CLPSL2: variants seen among roughly 807,000 people sequenced by gnomAD.
The protein encoded by CLPSL2 is colipase like 2.
CLPSL2 carries 4 observed loss-of-function variants against 7.9 expected under a neutral mutation model. The ratio of observed to expected loss-of-function variants is 0.50; its 90% CI spans 0.25 to 1.15. The LOEUF (loss-of-function observed/expected upper bound fraction) is 1.15. CLPSL2 is among the 50% of genes most tolerant of loss of function. The pLI is 0.15. For missense variants in CLPSL2, 132 were observed against 136.6 expected, an observed-to-expected ratio of 0.97 and a Z score of 0.17; for synonymous variants, 67 against 53.1, an observed-to-expected ratio of 1.26 and a Z score of -1.14.
Position 35,779,357 on chromosome 6 carries a change from CA to C in CLPSL2, c.212del (p.Lys71ArgfsTer14). The part of the protein sequence containing the change: ...RITMICLPQT[K>X]GATNIICPCR... Reference sequence around the variant, plus strand: ...ATTCTCATACCCACTCCCTGCAGACCAAGGGAGCTACCAACATCATCTGCCC... The same window carrying C: ...ATTCTCATACCCACTCCCTGCAGACCAGGGAGCTACCAACATCATCTGCCC... On this transcript the variant is annotated frameshift_variant, in exon 3 of 3. Transcript: ENST00000403376. LOFTEE classifies it low-confidence loss of function (END_TRUNC). 1 of 1,564,160 alleles carries C rather than the reference CA, an allele frequency of 6.4e-7. No homozygotes were observed.
Position 35,776,641 on chromosome 6 carries a change from T to G in CLPSL2, c.23T>G (p.Val8Gly). Residue 8 changes from valine to glycine, a missense_variant, in exon 1 of 3, where the codon GTG becomes GGG. Transcript: ENST00000403376. MAAALALVAGVLSGAVLP... is the reference protein window; with the variant it reads MAAALALGAGVLSGAVLP... ...CCCATGGCCGCAGCCCTGGCGCTCG[T>G]GGCGGGGGTCCTGTCGGGGGCGGTG... 2 of 1,497,288 alleles carry G rather than the reference T, an allele frequency of 1.3e-6. No homozygotes were observed. The highest frequency in any genetic ancestry group is 1.8e-6 in the Non-Finnish European group (2 of 1,130,778). 92.8% of individuals were successfully genotyped at this position (1,497,288 alleles called of 1,614,324 possible).
chr6:35,779,236 G>C, intron 2 of CLPSL2, 119 bp from the exon 3 acceptor site: 1 of 732,308 alleles, frequency 1.4e-6, no homozygotes, highest in East Asian at 2.7e-5. Context: ...AAGCTGTAGA[G>C]ACAGCCCAGG....
At position 35,776,703 on chromosome 6, in the gene CLPSL2, G is replaced by A; in HGVS notation, c.84+1G>A. The A allele has an allele frequency of 1.4e-6, 2 of 1,416,362 alleles. No individual in the cohort carries two copies. The highest frequency in any genetic ancestry group is 9.2e-7 in the Non-Finnish European group (1 of 1,090,856). The allele number at this position is 1,416,362 out of a possible 1,614,324, so 87.7% of individuals were successfully genotyped here. A position where few individuals can be genotyped will look rare whatever the true frequency, so the allele number is the denominator to read the frequency against. The stretch of plus-strand genomic sequence containing the variant: ...GAGCGCGCTTCCGCAATATAAAAAG[G>A]TGAGCCGGGGAGCGCGCCCAGCCGG... On this transcript the variant is annotated splice_donor_variant, in intron 1 of 2. Transcript: ENST00000403376. LOFTEE classifies it high-confidence loss of function.
At position 35,779,370 on chromosome 6, in the gene CLPSL2, A is replaced by G; in HGVS notation, c.223A>G (p.Asn75Asp). The G allele has an allele frequency of 1.3e-6, 2 of 1,575,420 alleles. No individual in the cohort carries two copies. The highest frequency in any genetic ancestry group is 1.7e-6 in the Non-Finnish European group (2 of 1,157,852). ...ICLPQTKGATNIICPCRMGLT... is the reference protein window; with the variant it reads ...ICLPQTKGATDIICPCRMGLT... ...CTCCCTGCAGACCAAGGGAGCTACCAACATCATCTGCCCTTGCCGGATGGG... is the reference window on the plus strand; with the variant it reads ...CTCCCTGCAGACCAAGGGAGCTACCGACATCATCTGCCCTTGCCGGATGGG... Residue 75 changes from asparagine to aspartate, a missense_variant, in exon 3 of 3, where the codon AAC (asparagine) becomes GAC (aspartate). Physicochemically the swap from Asn to Asp is conservative, Grantham distance 23. Coordinates refer to ENST00000403376, the MANE Select transcript of CLPSL2 (RefSeq NM_207409.4).
In CLPSL2 at chr6:35,776,721, C is replaced by G; in HGVS notation, c.84+19C>G. 1 of 1,369,206 alleles carries G rather than the reference C, an allele frequency of 7.3e-7. No homozygotes were observed. Among genetic ancestry groups the G allele is most frequent in the Non-Finnish European group, 9.4e-7 (1 of 1,065,616 alleles). 84.8% of individuals were successfully genotyped at this position (1,369,206 alleles called of 1,614,324 possible). A position where few individuals can be genotyped will look rare whatever the true frequency, so the allele number is the denominator to read the frequency against. ...TAAAAAGGTGAGCCGGGGAGCGCGC[C>G]CAGCCGGCCGCGACCGCAGGAGAGG... On this transcript the variant is annotated intron_variant, in intron 1 of 2. Coordinates refer to ENST00000403376, the MANE Select transcript of CLPSL2 (RefSeq NM_207409.4).
At chr6:35,777,313 G>A in intron 1 of CLPSL2, 146 bp from the exon 2 acceptor site, 1 of 827,970 alleles carries the variant, frequency 1.2e-6, no homozygotes, top group Non-Finnish European at 1.9e-6. Flanking sequence ...TGGGGCTGGG[G>A]GGGGAACCAG....
chr6:35,779,351 G>T lies in CLPSL2; in HGVS notation c.208-4G>T. On this transcript the variant is annotated splice_polypyrimidine_tract_variant and splice_region_variant and intron_variant, in intron 2 of 2. Transcript: ENST00000403376. Reference sequence around the variant, plus strand: ...CTCCCGATTCTCATACCCACTCCCTGCAGACCAAGGGAGCTACCAACATCA... The same window carrying T: ...CTCCCGATTCTCATACCCACTCCCTTCAGACCAAGGGAGCTACCAACATCA... 1 of 1,553,798 alleles carries T rather than the reference G, an allele frequency of 6.4e-7. No individual in the cohort carries two copies. The highest frequency in any genetic ancestry group is 1.2e-5 in the South Asian group (1 of 84,578).
At chr6:35,778,750 C>A (rs781187070) in intron 2 of CLPSL2, among the ~76,000 whole-genome samples, 1 of 152,308 alleles carries the variant, frequency 6.6e-6, no homozygotes. Flanking sequence ...CAGCAGGGCC[C>A]CTACCATGGC....
chr6:35,777,806 C>A, intron 2 of CLPSL2: 1 of 717,898 alleles, frequency 1.4e-6, no homozygotes, highest in South Asian at 1.5e-5. Flanking sequence ...CTCAGCAGAC[C>A]ATGTATCTCC....
Position 35,779,506 on chromosome 6 carries a change from A to C in CLPSL2, c.*56A>C, listed in dbSNP as rs754988197. 7 of 1,551,810 alleles carry C rather than the reference A, an allele frequency of 4.5e-6. No homozygotes were observed. Among genetic ancestry groups the C allele is most frequent in the Non-Finnish European group, 6.1e-6 (7 of 1,146,894 alleles). ...GGGGCCATAGGCCCTGGTTGCCACCAACTTGCTCCAAATCCAGCTCCTGAG... is the reference window on the plus strand; with the variant it reads ...GGGGCCATAGGCCCTGGTTGCCACCCACTTGCTCCAAATCCAGCTCCTGAG... On this transcript the variant is annotated 3_prime_UTR_variant, in exon 3 of 3. Transcript: ENST00000403376.
In CLPSL2 at chr6:35,777,489, G is replaced by A; in HGVS notation, c.115G>A (p.Glu39Lys). ...KITDRCFHHS[E>K]CYSGCCLMDL... ...CACAGACAGGTGCTTCCACCACTCT[G>A]AGTGCTACAGTGGCTGCTGCCTCAT... is the stretch of plus-strand genomic sequence containing the variant. Residue 39 changes from glutamate (E) to lysine (K), a missense_variant, in exon 2 of 3, where the codon GAG (glutamate) becomes AAG (lysine). Coordinates refer to ENST00000403376, the MANE Select transcript of CLPSL2 (RefSeq NM_207409.4). 6.2e-7 allele frequency: 1 copy of A among 1,613,782 alleles called. No individual in the cohort carries two copies. The highest frequency in any genetic ancestry group is 8.5e-7 in the Non-Finnish European group (1 of 1,179,794).
intron 2 of CLPSL2, 101 bp from the exon 3 acceptor site, chr6:35,779,254 T>C (rs1767911801): frequency 1.1e-6 from 1 of 922,482 alleles, no homozygotes; most frequent in Admixed American, 2.4e-5. Flanking sequence ...AGGTCTGTCT[T>C]ACTCCAGGCC....
intron 2 of CLPSL2, among the ~76,000 whole-genome samples, chr6:35,779,115 T>C (rs1234293901): frequency 1.3e-5 from 2 of 152,122 alleles, no homozygotes; most frequent in Admixed American, 6.5e-5. Context: ...CTCTATCTCA[T>C]TTAGTCCTCA....
At chr6:35,777,314 G>GC (rs1452774979) in intron 1 of CLPSL2, 145 bp from the exon 2 acceptor site, 5 of 835,804 alleles carry the variant, frequency 6.0e-6, no homozygotes, top group African/African-American at 5.1e-5. Context: ...GGGGCTGGGG[G>GC]GGGAACCAGC....
intron 1 of CLPSL2, 180 bp downstream of exon 1, chr6:35,776,882 G>A: frequency 2.0e-6 from 1 of 501,770 alleles, no homozygotes; most frequent in Non-Finnish European, 3.4e-6. Flanking sequence ...ACTTTCCCCT[G>A]GTGGCCTCAG....
intron 1 of CLPSL2, 147 bp from the exon 2 acceptor site, chr6:35,777,312 G>C (rs1046377482): frequency 2.2e-5 from 18 of 817,850 alleles, no homozygotes; most frequent in Middle Eastern, 3.7e-4. Flanking sequence ...GTGGGGCTGG[G>C]GGGGGAACCA....
chr6:35,777,310 G>GC (rs1052895761), intron 1 of CLPSL2, 149 bp from the exon 2 acceptor site: 14 of 687,362 alleles, frequency 2.0e-5, no homozygotes, highest in East Asian at 1.2e-4. Context: ...GGGTGGGGCT[G>GC]GGGGGGGAAC....
chr6:35,779,460 C>T lies in CLPSL2; in HGVS notation c.*10C>T. 2 of 1,567,908 alleles carry T rather than the reference C, an allele frequency of 1.3e-6. No individual in the cohort carries two copies. Among genetic ancestry groups the T allele is most frequent in the East Asian group, 2.4e-5 (1 of 42,314 alleles). On this transcript the variant is annotated 3_prime_UTR_variant, in exon 3 of 3. Transcript: ENST00000403376. ...GTGCCATATGATTTAGAGGAAGATG[C>T]AGGCTGGTCACTGCTCCCTTGGGGC...
chr6:35,779,048 AG>A (rs927995367), intron 2 of CLPSL2, among the ~76,000 whole-genome samples: 1 of 152,156 alleles, frequency 6.6e-6, no homozygotes, highest in African/African-American at 2.4e-5. Context: ...CTGGGATTAC[AG>A]GGGTGAGCCA....
Sources: allele counts gnomAD v4.1 joint callset (sites outside exome capture counted in the v4.1 genomes callset), GRCh38; gene constraint gnomAD v4.1.1; transcripts MANE v1.5; gene names NCBI Gene and HGNC (gene_info 2026-07-23, HGNC 2026-07-21).